Variants in SYNE2 observed in about 807,000 individuals in gnomAD.
SYNE2 encodes the protein nesprin-2.
Under a neutral mutation model 856.3 loss-of-function variants are expected in SYNE2, and 431 were observed. The ratio of observed to expected loss-of-function variants is 0.50; its 90% confidence interval spans 0.47 to 0.55. The LOEUF (loss-of-function observed/expected upper bound fraction) is 0.55, where lower values mean the gene tolerates loss of function less well. Ranked by LOEUF, SYNE2 falls within the 20% of genes least tolerant of loss-of-function variation. SYNE2 has a pLI of 0.00. For missense variants in SYNE2, 8,129 were observed against 8,023.2 expected, an observed-to-expected ratio of 1.01 and a Z score of -0.50; for synonymous variants, 2,923 against 2,872.3, an observed-to-expected ratio of 1.02 and a Z score of -0.56.
At chr14:63,902,880 G>T (rs2095357654) in intron 1 of SYNE2, among the ~76,000 whole-genome samples, 1 of 151,738 alleles carries the variant, frequency 6.6e-6, no homozygotes, top group Non-Finnish European at 1.5e-5. Flanking sequence ...TTTTTTTGTT[G>T]AGATGAAGGC....
intron 30 of SYNE2, among the ~76,000 whole-genome samples, chr14:64,004,634 C>A (rs1289775151): frequency 6.6e-6 from 1 of 152,026 alleles, no homozygotes; most frequent in Non-Finnish European, 1.5e-5. Context: ...CTGGCCTCTT[C>A]CCCCCTTTCT....
rs1249953280 is a variant in SYNE2, at chr14:64,170,327, G to T, written c.17100G>T (p.Arg5700Ser). ...AGGGTGACGTTGATGGGCTGGTGAG[G>T]CAGTGGCAAGATTTCACTACTTCTG... Reference protein sequence around the residue: ...QRKGDVDGLVRQWQDFTTSVE... With the variant: ...QRKGDVDGLVSQWQDFTTSVE... Residue 5700 changes from arginine to serine, a missense_variant, in exon 94 of 116, where the codon AGG becomes AGT. By Grantham distance (110) the Arg-to-Ser change is moderately radical. This residue lies in a region of SYNE2 where 5,410 missense variants were observed against 5,284.8 expected (regional missense o/e 1.02). Coordinates refer to ENST00000555002, the MANE Select transcript of SYNE2 (RefSeq NM_182914.3). 1.2e-6 allele frequency: 2 copies of T among 1,614,062 alleles called. No homozygotes were observed. The highest frequency in any genetic ancestry group is 2.7e-5 in the African/African-American group (2 of 74,926).
chr14:64,122,489 A>T (rs1395467878), intron 70 of SYNE2, 62 bp downstream of exon 70: 9 of 1,607,574 alleles, frequency 5.6e-6, no homozygotes, highest in Non-Finnish European at 7.7e-6. Context: ...ACAAGCATTC[A>T]TTAAATAAAC....
rs773081031 is a variant in SYNE2 at position 64,129,775 on chromosome 14, C to T, written c.14020-7C>T. ...GGTTTTCTTTTCTTGTATTGTCTCTCACTTAGAAAGCAGATGCATATACAG... is the reference window on the plus strand; with the variant it reads ...GGTTTTCTTTTCTTGTATTGTCTCTTACTTAGAAAGCAGATGCATATACAG... On this transcript the variant is annotated splice_polypyrimidine_tract_variant and splice_region_variant and intron_variant, in intron 74 of 115. Coordinates refer to ENST00000555002, the MANE Select transcript of SYNE2 (RefSeq NM_182914.3). 3 of 1,613,948 alleles carry T rather than the reference C, an allele frequency of 1.9e-6. No individual in the cohort carries two copies. Among genetic ancestry groups the T allele is most frequent in the African/African-American group, 1.3e-5 (1 of 74,926 alleles).
chr14:63,934,685 GCTC>G (rs1472546967), intron 2 of SYNE2, among the ~76,000 whole-genome samples: 1 of 152,012 alleles, frequency 6.6e-6, no homozygotes, highest in African/African-American at 2.4e-5. Flanking sequence ...GTTGAGTTGT[GCTC>G]CTCCTTCCTG....
chr14:64,093,609 T>C, intron 61 of SYNE2, 129 bp downstream of exon 61: 1 of 958,748 alleles, frequency 1.0e-6, no homozygotes, highest in African/African-American at 1.6e-5. Flanking sequence ...TCTGTAACAA[T>C]TGAAGGTATT....
chr14:63,774,961 T>A (rs1887056688), intron 1 of SYNE2, among the ~76,000 whole-genome samples: 1 of 152,096 alleles, frequency 6.6e-6, no homozygotes, highest in African/African-American at 2.4e-5. Flanking sequence ...TAATTTTATT[T>A]ATTTATTTAT....
chr14:64,193,365 C>A (rs539677816), intron 99 of SYNE2, among the ~76,000 whole-genome samples: 1 of 152,308 alleles, frequency 6.6e-6, no homozygotes, highest in African/African-American at 2.4e-5. Flanking sequence ...GCCTGGCTTA[C>A]ATGGCGAAAC....
chr14:63,901,485 G>A (rs981083767), intron 1 of SYNE2, among the ~76,000 whole-genome samples: 4 of 151,846 alleles, frequency 2.6e-5, no homozygotes, highest in South Asian at 2.1e-4. Flanking sequence ...CTTTCATTTC[G>A]GATACTCTCT....
chr14:63,959,378 A>G (rs1053650979), intron 8 of SYNE2, among the ~76,000 whole-genome samples: 7 of 141,166 alleles, frequency 5.0e-5, no homozygotes, highest in African/African-American at 1.9e-4. Context: ...GCTCACTGCA[A>G]CCTTCGCTTC....
At chr14:63,920,143 T>G (rs17101457) in intron 2 of SYNE2, among the ~76,000 whole-genome samples, 37,307 of 151,574 alleles carry the variant, frequency 0.25, 5,429 homozygotes, top group African/African-American at 0.42. Context: ...AGCACACGGG[T>G]TAGTACATGG....
chr14:64,110,596 C>G (rs909361765), intron 65 of SYNE2, among the ~76,000 whole-genome samples: 1 of 142,288 alleles, frequency 7.0e-6, no homozygotes, highest in Non-Finnish European at 1.5e-5. Context: ...ACACCCCCCC[C>G]CCCCCGCCAA....
chr14:63,820,754 T>TC (rs914682735), intron 1 of SYNE2, among the ~76,000 whole-genome samples: 2 of 151,000 alleles, frequency 1.3e-5, no homozygotes, highest in African/African-American at 4.8e-5. Context: ...GGAGAACTTT[T>TC]TTTTTTTTTT....
Position 64,220,640 on chromosome 14 carries a change from A to C in SYNE2, c.20061+3A>C. 6.2e-7 allele frequency: 1 copy of C among 1,613,594 alleles called. No homozygotes were observed. The highest frequency in any genetic ancestry group is 1.3e-5 in the African/African-American group (1 of 75,050). On this transcript the variant is annotated splice_donor_region_variant and intron_variant, in intron 111 of 115. Coordinates refer to ENST00000555002, the MANE Select transcript of SYNE2 (RefSeq NM_182914.3). ...GACAGTCGCTCATGCAGTGCCAGGT[A>C]CGCTGACTCAGCAGCCCGCCTCCCA...
In SYNE2 at chr14:64,081,496, G is replaced by A. The variant is rs2097523677; in HGVS notation, c.11400G>A (p.Trp3800Ter). 1 of 1,614,156 alleles carries A rather than the reference G, an allele frequency of 6.2e-7. No individual in the cohort carries two copies. The highest frequency in any genetic ancestry group is 8.5e-7 in the Non-Finnish European group (1 of 1,180,036). Residue 3800 changes from tryptophan to a stop codon, truncating the protein, a stop_gained, in exon 57 of 116, where the codon TGG becomes TGA. Transcript: ENST00000555002. LOFTEE classifies it high-confidence loss of function. ...YSDLLKSTEA[W>*]IENTSHLLAN... ...ACCTTCTGAAGAGCACTGAGGCTTG[G>A]ATAGAAAATACCAGTCATTTGCTGG...
intron 1 of SYNE2, among the ~76,000 whole-genome samples, chr14:63,812,301 C>A (rs1158521416): frequency 2.0e-5 from 3 of 152,182 alleles, no homozygotes; most frequent in Non-Finnish European, 2.9e-5. Flanking sequence ...AGGCTCTCTG[C>A]AAGAAGAAAA....
intron 98 of SYNE2, 89 bp from the exon 99 acceptor site, chr14:64,189,980 TTA>T: frequency 2.1e-6 from 3 of 1,453,448 alleles, no homozygotes; most frequent in Non-Finnish European, 1.9e-6. Context: ...TTTTTTTTTT[TTA>T]ATTTCAAGAG....
chr14:63,778,233 T>C (rs1345840755), intron 1 of SYNE2, among the ~76,000 whole-genome samples: 1 of 152,170 alleles, frequency 6.6e-6, no homozygotes, highest in Non-Finnish European at 1.5e-5. Flanking sequence ...GCTCATGCCC[T>C]CTCACCTGCC....
intron 45 of SYNE2, among the ~76,000 whole-genome samples, chr14:64,042,280 A>G (rs1023162356): frequency 7.2e-5 from 11 of 152,384 alleles, no homozygotes; most frequent in Middle Eastern, 6.8e-3. Flanking sequence ...AAGCAATGTT[A>G]TATGAATACT....
Sources: gnomAD v4.1 joint callset for allele counts (sites outside exome capture counted in the v4.1 genomes callset) on GRCh38, gnomAD v4.1.1 for gene constraint, gnomAD v4.1.1 regional missense constraint, MANE v1.5 for transcripts, NCBI Gene and HGNC (gene_info 2026-07-23, HGNC 2026-07-21) for gene names.